The following EVL variants were observed in gnomAD, a reference collection of about 807,000 sequenced individuals.
EVL encodes ena/VASP-like protein.
In EVL, 21 loss-of-function variants were observed where a neutral mutation model predicts 59.6. The ratio of observed to expected loss-of-function variants is 0.35; its 90% CI spans 0.25 to 0.51. The LOEUF is 0.51. EVL is among the 20% of genes least tolerant of loss of function. EVL has a pLI of 0.97. For synonymous variants in EVL, 198 were observed against 203.5 expected, an observed-to-expected ratio of 0.97 and a Z score of 0.23; for missense variants, 462 against 546.6, an observed-to-expected ratio of 0.85 and a Z score of 1.54.
intron 3 of EVL, among the ~76,000 whole-genome samples, chr14:100,115,806 A>G (rs1306141300): frequency 3.3e-5 from 5 of 152,212 alleles, no homozygotes. Flanking sequence ...GCAAGCAACT[A>G]AGCTGTCTAA....
intron 3 of EVL, among the ~76,000 whole-genome samples, chr14:100,116,388 C>T (rs964679520): frequency 1.3e-5 from 2 of 152,198 alleles, no homozygotes; most frequent in Non-Finnish European, 2.9e-5. Flanking sequence ...TTGTCTCTGG[C>T]ACCCCTGACA....
At chr14:100,010,633 G>A (rs1320571973) in intron 1 of EVL, among the ~76,000 whole-genome samples, 2 of 152,174 alleles carry the variant, frequency 1.3e-5, no homozygotes, top group Non-Finnish European at 2.9e-5. Flanking sequence ...CTGACCTCAG[G>A]TGATCCACCC....
intron 3 of EVL, among the ~76,000 whole-genome samples, chr14:100,105,733 A>G (rs1037316171): frequency 6.6e-6 from 1 of 152,024 alleles, no homozygotes; most frequent in Non-Finnish European, 1.5e-5. Context: ...CAAGGGGACG[A>G]TGGCTGTAGA....
At chr14:100,057,721 G>C (rs1157916122) in intron 1 of EVL, among the ~76,000 whole-genome samples, 3 of 152,216 alleles carry the variant, frequency 2.0e-5, no homozygotes, top group African/African-American at 7.2e-5. Flanking sequence ...CAAAGTGGTT[G>C]AGAATACCAG....
At chr14:99,990,303 AAGTT>A (rs1361530104) in intron 1 of EVL, among the ~76,000 whole-genome samples, 1 of 152,196 alleles carries the variant, frequency 6.6e-6, no homozygotes, top group Non-Finnish European at 1.5e-5. Context: ...GCTTAACAAT[AAGTT>A]ATTTATTTCC....
intron 1 of EVL, among the ~76,000 whole-genome samples, chr14:100,039,498 A>G (rs1338129505): frequency 1.3e-5 from 2 of 152,170 alleles, no homozygotes; most frequent in African/African-American, 2.4e-5. Flanking sequence ...CAGCCTCCCA[A>G]AGTGCTGGGA....
chr14:100,091,827 T>C (rs1333562129), intron 2 of EVL, among the ~76,000 whole-genome samples: 1 of 152,190 alleles, frequency 6.6e-6, no homozygotes, highest in East Asian at 1.9e-4. Context: ...CTTGTGGGAC[T>C]CAGCCCTCAA....
intron 1 of EVL, among the ~76,000 whole-genome samples, chr14:100,078,865 T>C (rs935356445): frequency 1.6e-4 from 25 of 152,092 alleles, no homozygotes; most frequent in Non-Finnish European, 7.4e-5. Flanking sequence ...GAAGAAAAAA[T>C]TGGCCCTCAA....
At chr14:100,014,217 C>G (rs2061035752) in intron 1 of EVL, among the ~76,000 whole-genome samples, 1 of 152,154 alleles carries the variant, frequency 6.6e-6, no homozygotes, top group African/African-American at 2.4e-5. Context: ...CCCTTCCCAG[C>G]CTCTGGTAAC....
At chr14:100,133,578 G>A (rs901772826) in intron 8 of EVL, among the ~76,000 whole-genome samples, 6 of 152,150 alleles carry the variant, frequency 3.9e-5, no homozygotes, top group African/African-American at 1.4e-4. Flanking sequence ...GCACATATGG[G>A]TCCCTTTGCC....
At chr14:100,073,320 CT>C (rs368484673) in intron 1 of EVL, among the ~76,000 whole-genome samples, 1,650 of 137,300 alleles carry the variant, frequency 0.012, 23 homozygotes, top group African/African-American at 0.038. Flanking sequence ...TTTCCTTTTT[CT>C]TTTTTTTTTT....
At chr14:100,069,816 A>C (rs756121023) in intron 1 of EVL, among the ~76,000 whole-genome samples, 9 of 152,180 alleles carry the variant, frequency 5.9e-5, no homozygotes, top group Non-Finnish European at 1.3e-4. Flanking sequence ...GGAAAATAAC[A>C]ACAGCTCAGC....
At chr14:99,974,194 T>G (rs2060754351) in intron 1 of EVL, 1 of 152,252 alleles carries the variant, frequency 6.6e-6, no homozygotes, top group Non-Finnish European at 1.5e-5. Context: ...CATTACCACA[T>G]CTAATTTTAG....
intron 1 of EVL, among the ~76,000 whole-genome samples, chr14:100,080,161 C>G (rs2062264975): frequency 6.6e-6 from 1 of 151,772 alleles, no homozygotes; most frequent in Non-Finnish European, 1.5e-5. Context: ...TTCCCTGGGC[C>G]ACATTGGAAG....
intron 1 of EVL, among the ~76,000 whole-genome samples, chr14:99,994,779 A>G (rs947353301): frequency 6.6e-6 from 1 of 152,142 alleles, no homozygotes; most frequent in African/African-American, 2.4e-5. Context: ...GATGCTATTT[A>G]ACATCTTTTC....
chr14:100,117,928 C>T (rs1887453819), intron 3 of EVL, among the ~76,000 whole-genome samples: 1 of 152,222 alleles, frequency 6.6e-6, no homozygotes, highest in Non-Finnish European at 1.5e-5. Context: ...TGGAGATGCT[C>T]AGTTTGCCTG....
chr14:100,002,436 CA>C (rs1403050596), intron 1 of EVL, among the ~76,000 whole-genome samples: 1 of 152,102 alleles, frequency 6.6e-6, no homozygotes, highest in African/African-American at 2.4e-5. Context: ...AATAATTTAA[CA>C]TAACAATTAT....
intron 2 of EVL, among the ~76,000 whole-genome samples, chr14:100,090,151 G>A (rs977007376): frequency 2.2e-4 from 34 of 151,980 alleles, no homozygotes; most frequent in Non-Finnish European, 2.9e-4. Context: ...ACAAAATGTC[G>A]CGGTTTTTTT....
rs534403365 is a variant in EVL at position 100,082,182 on chromosome 14, CGCATCCCTCCA to C, written c.12-2503_12-2493del. Among the ~76,000 whole-genome samples the C allele has an allele frequency of 5.0e-3, 759 of 151,946 alleles. 7 individuals carry two copies. The highest frequency in any genetic ancestry group is 0.017 in the African/African-American group (717 of 41,378). On this transcript the variant is annotated intron_variant, in intron 1 of 13. Transcript: ENST00000392920. ...AAGCCTCCCCTGTCCCCCCCTCCCC[CGCATCCCTCCA>C]GGCTGGATAAGGTTTATAATTACTC...
Sources: allele counts gnomAD v4.1 joint callset (sites outside exome capture counted in the v4.1 genomes callset), GRCh38; gene constraint gnomAD v4.1.1; transcripts MANE v1.5; gene names NCBI Gene and HGNC (gene_info 2026-07-23, HGNC 2026-07-21).